Variants in PRPF18 observed in about 807,000 individuals in gnomAD.
PRPF18 encodes pre-mRNA-splicing factor 18.
A neutral mutation model predicts 46.5 loss-of-function variants in PRPF18; 38 were observed. That is an observed-to-expected ratio of 0.82 (90% CI 0.63 to 1.07). The LOEUF (loss-of-function observed/expected upper bound fraction) is 1.07. Among genes scored for constraint, PRPF18 ranks in the 50% least tolerant of loss-of-function variants. The pLI is 0.00. For missense variants in PRPF18, 263 were observed against 410.0 expected, an observed-to-expected ratio of 0.64 and a Z score of 3.10; for synonymous variants, 152 against 146.7, an observed-to-expected ratio of 1.04 and a Z score of -0.26.
At chr10:13,644,091 C>T in the PRPF18 span, 1 of 152,638 alleles carries the variant, frequency 6.6e-6, no homozygotes, top group Non-Finnish European at 1.5e-5. Context: ...TAAACTAATA[C>T]TGAATGAAAA....
intron 1 of PRPF18, among the ~76,000 whole-genome samples, chr10:13,590,766 A>G (rs1023046611): frequency 5.9e-5 from 9 of 152,174 alleles, no homozygotes; most frequent in African/African-American, 1.7e-4. Context: ...GAGAAGTTAC[A>G]TGACTATAGG....
chr10:13,624,099 C>G (rs897023315), intron 9 of PRPF18, among the ~76,000 whole-genome samples: 1 of 152,186 alleles, frequency 6.6e-6, no homozygotes, highest in African/African-American at 2.4e-5. Flanking sequence ...CTTGTCATGC[C>G]TCAGCCTCCT....
chr10:13,594,433 C>T (rs1169793465), intron 1 of PRPF18, among the ~76,000 whole-genome samples: 1 of 152,148 alleles, frequency 6.6e-6, no homozygotes, highest in Non-Finnish European at 1.5e-5. Context: ...TACACCAAAA[C>T]TAGACAATTG....
the PRPF18 span, chr10:13,651,165 G>A: frequency 2.0e-5 from 3 of 152,232 alleles, no homozygotes; most frequent in Admixed American, 6.6e-5. Flanking sequence ...CCAGGGTGGT[G>A]CCCGGGAGAC....
the PRPF18 span, chr10:13,648,611 C>T: frequency 6.6e-6 from 1 of 152,164 alleles, no homozygotes; most frequent in Admixed American, 6.5e-5. Flanking sequence ...GATGTCATTT[C>T]CTCCTGAGAA....
chr10:13,635,984 G>A, the PRPF18 span, among the ~76,000 whole-genome samples: 1 of 152,226 alleles, frequency 6.6e-6, no homozygotes, highest in Non-Finnish European at 1.5e-5. Flanking sequence ...GACGTCCATA[G>A]AAGAACCGAG....
chr10:13,610,222 C>T, intron 5 of PRPF18, 37 bp downstream of exon 5: 1 of 1,587,532 alleles, frequency 6.3e-7, no homozygotes, highest in Non-Finnish European at 8.6e-7. Context: ...TCCCTGGCAC[C>T]CTTCTTTTTC....
chr10:13,619,013 C>T (rs551580854), intron 9 of PRPF18, among the ~76,000 whole-genome samples: 4 of 152,250 alleles, frequency 2.6e-5, no homozygotes, highest in South Asian at 2.1e-4. Flanking sequence ...GAAACTGTTC[C>T]ACCTCAGATC....
At chr10:13,654,385 A>G in the PRPF18 span, 1 of 1,359,824 alleles carries the variant, frequency 7.4e-7, no homozygotes, top group South Asian at 1.2e-5. Flanking sequence ...TTTCGAGCTG[A>G]CACAGTGAAG....
chr10:13,595,608 G>A (rs920377246), intron 1 of PRPF18, among the ~76,000 whole-genome samples: 2 of 152,152 alleles, frequency 1.3e-5, no homozygotes, highest in Non-Finnish European at 1.5e-5. Flanking sequence ...TGAGTTCTGG[G>A]AATGTCACCT....
At chr10:13,609,328 C>A (rs2080238956) in intron 4 of PRPF18, among the ~76,000 whole-genome samples, 1 of 152,180 alleles carries the variant, frequency 6.6e-6, no homozygotes, top group African/African-American at 2.4e-5. Flanking sequence ...GTAGGTGAGT[C>A]TACTGAGGCA....
chr10:13,597,412 T>G, intron 1 of PRPF18, 46 bp from the exon 2 acceptor site: 8 of 1,358,386 alleles, frequency 5.9e-6, no homozygotes, highest in Non-Finnish European at 7.1e-6. Flanking sequence ...GGACATGAAA[T>G]TTTGCTCAAG....
the PRPF18 span, chr10:13,654,716 T>C: frequency 8.7e-6 from 5 of 575,392 alleles, no homozygotes; most frequent in African/African-American, 5.7e-5. Flanking sequence ...CCCCAACCTC[T>C]GCATCCCACC....
chr10:13,587,418 G>A (rs769371730), intron 1 of PRPF18, among the ~76,000 whole-genome samples: 2 of 152,192 alleles, frequency 1.3e-5, no homozygotes, highest in Non-Finnish European at 1.5e-5. Context: ...ACCTGGGTCT[G>A]GGGGCGGGAA....
rs771446781 is a variant in PRPF18, at chr10:13,610,132, A to T, written c.457A>T (p.Thr153Ser). 1.9e-6 allele frequency: 3 copies of T among 1,614,152 alleles called. No homozygotes were observed. The Admixed American group carries it at 5.0e-5, about 27-fold the overall frequency. ...VGGQEPGEED[T>S]QNDLKVHEEN... is the part of the protein sequence containing the mutation. ...CGGTCAGGAGCCTGGAGAGGAAGACACACAGAATGATCTGAAAGTTCATGA... is the reference window on the plus strand; with the variant it reads ...CGGTCAGGAGCCTGGAGAGGAAGACTCACAGAATGATCTGAAAGTTCATGA... The change falls in exon 5 of 10, where the codon ACA (threonine) becomes TCA (serine). Residue 153 changes from threonine (T) to serine (S), a missense_variant. Physicochemically the swap from Thr to Ser is moderately conservative, Grantham distance 58 (BLOSUM62 1). Around this residue, in one of 4 missense-constraint regions of PRPF18, gnomAD observed 155 missense variants for 245.1 expected, o/e 0.63. Transcript: ENST00000378572.
At chr10:13,650,397 C>T in the PRPF18 span, among the ~76,000 whole-genome samples, 1 of 152,026 alleles carries the variant, frequency 6.6e-6, no homozygotes, top group Non-Finnish European at 1.5e-5. Context: ...CCTGCATGTG[C>T]ACATGTATGC....
chr10:13,635,364 G>A (rs1286902860), downstream of PRPF18, among the ~76,000 whole-genome samples: 2 of 152,148 alleles, frequency 1.3e-5, no homozygotes, highest in Non-Finnish European at 2.9e-5. Context: ...ATACATGTGA[G>A]TGTGTCTTTA....
chr10:13,625,001 T>G (rs1434087190), intron 9 of PRPF18, among the ~76,000 whole-genome samples: 2 of 152,058 alleles, frequency 1.3e-5, no homozygotes, highest in Non-Finnish European at 2.9e-5. Flanking sequence ...GAAACAGAAT[T>G]ATAGAGAACA....
chr10:13,649,927 T>C, the PRPF18 span, among the ~76,000 whole-genome samples: 6 of 152,248 alleles, frequency 3.9e-5, no homozygotes, highest in East Asian at 1.2e-3. Flanking sequence ...AGGATGAAGA[T>C]CTAGGTGTGC....
Sources: gnomAD v4.1 joint callset for allele counts (sites outside exome capture counted in the v4.1 genomes callset) on GRCh38, gnomAD v4.1.1 for gene constraint, gnomAD v4.1.1 regional missense constraint, MANE v1.5 for transcripts, NCBI Gene and HGNC (gene_info 2026-07-23, HGNC 2026-07-21) for gene names.